The following CPNE4 variants were observed in gnomAD, a reference collection of about 807,000 sequenced individuals.
CPNE4 encodes the protein copine-4.
In CPNE4, 25 loss-of-function variants were observed where a neutral mutation model predicts 67.9. The observed-to-expected ratio is 0.37, with a 90% CI of 0.27 to 0.51. CPNE4 has a LOEUF of 0.51. Among genes scored for constraint, CPNE4 ranks in the 20% least tolerant of loss-of-function variants. The probability of loss-of-function intolerance (pLI) is 0.93; values close to 1 mark genes in which losing one functional copy is unlikely to be tolerated. For synonymous variants in CPNE4, 242 were observed against 244.9 expected, an observed-to-expected ratio of 0.99 and a Z score of 0.11; for missense variants, 464 against 690.8, an observed-to-expected ratio of 0.67 and a Z score of 3.68.
intron 7 of CPNE4, among the ~76,000 whole-genome samples, chr3:131,667,022 T>C (rs2080280357): frequency 6.6e-6 from 1 of 152,212 alleles, no homozygotes; most frequent in African/African-American, 2.4e-5. Context: ...GTTTTATTAA[T>C]GGAAAGATTT....
At chr3:131,809,891 T>A (rs754147822) in intron 2 of CPNE4, among the ~76,000 whole-genome samples, 1 of 151,780 alleles carries the variant, frequency 6.6e-6, no homozygotes, top group Non-Finnish European at 1.5e-5. Flanking sequence ...ATCCTTGCAA[T>A]AGACAAAAAT....
intron 6 of CPNE4, among the ~76,000 whole-genome samples, chr3:131,674,982 T>G (rs932343523): frequency 1.3e-5 from 2 of 152,112 alleles, no homozygotes; most frequent in African/African-American, 4.8e-5. Context: ...TGTTTTCATA[T>G]ATTCCATAGG....
chr3:131,890,159 A>G (rs2088051061), intron 2 of CPNE4, among the ~76,000 whole-genome samples: 1 of 152,154 alleles, frequency 6.6e-6, no homozygotes, highest in Admixed American at 6.5e-5. Context: ...AATCTATGAT[A>G]TGTGATAAAA....
intron 1 of CPNE4, among the ~76,000 whole-genome samples, chr3:131,960,777 C>T (rs796954655): frequency 6.6e-6 from 1 of 152,086 alleles, no homozygotes; most frequent in Admixed American, 6.5e-5. Flanking sequence ...TCCCACTTAC[C>T]CTGACCAATG....
chr3:132,016,773 A>G (rs1321285566), intron 1 of CPNE4, among the ~76,000 whole-genome samples: 1 of 152,116 alleles, frequency 6.6e-6, no homozygotes, highest in East Asian at 1.9e-4. Flanking sequence ...CGTTCTCAGG[A>G]CTCAAAAGGC....
intron 9 of CPNE4, among the ~76,000 whole-genome samples, chr3:131,580,098 C>T (rs1378515942): frequency 6.6e-6 from 1 of 152,166 alleles, no homozygotes; most frequent in Non-Finnish European, 1.5e-5. Flanking sequence ...CCCCAACTTT[C>T]AGCAATTACC....
chr3:131,890,930 T>C (rs1263543722), intron 2 of CPNE4, among the ~76,000 whole-genome samples: 1 of 152,098 alleles, frequency 6.6e-6, no homozygotes, highest in Non-Finnish European at 1.5e-5. Flanking sequence ...GAATGATGGA[T>C]ACCCAGGGAT....
At chr3:131,993,280 G>T (rs1421802640) in intron 1 of CPNE4, among the ~76,000 whole-genome samples, 1 of 134,936 alleles carries the variant, frequency 7.4e-6, no homozygotes, top group Non-Finnish European at 1.7e-5. Context: ...GCTATGTGAA[G>T]TTAAGTAGAT....
At chr3:131,583,119 G>A (rs1937951015) in intron 8 of CPNE4, among the ~76,000 whole-genome samples, 1 of 152,008 alleles carries the variant, frequency 6.6e-6, no homozygotes, top group Admixed American at 6.6e-5. Flanking sequence ...GGAATTCTTG[G>A]GTGAAAGAAA....
chr3:131,563,860 T>G (rs531316249), intron 11 of CPNE4, among the ~76,000 whole-genome samples: 1 of 152,200 alleles, frequency 6.6e-6, no homozygotes, highest in African/African-American at 2.4e-5. Context: ...TATACACAAA[T>G]CATCTGGGGA....
intron 2 of CPNE4, among the ~76,000 whole-genome samples, chr3:131,774,488 C>A (rs1238319389): frequency 1.3e-5 from 2 of 152,040 alleles, no homozygotes; most frequent in Non-Finnish European, 2.9e-5. Flanking sequence ...ATGAAAGAAC[C>A]TGGGTTCACA....
At chr3:131,783,796 A>G (rs931713105) in intron 2 of CPNE4, among the ~76,000 whole-genome samples, 2 of 152,050 alleles carry the variant, frequency 1.3e-5, no homozygotes, top group African/African-American at 4.8e-5. Flanking sequence ...AAGCTAATGT[A>G]ATTCAGCAAG....
intron 1 of CPNE4, among the ~76,000 whole-genome samples, chr3:131,962,736 A>G (rs1454922372): frequency 6.6e-6 from 1 of 151,954 alleles, no homozygotes; most frequent in Admixed American, 6.6e-5. Flanking sequence ...AAACAGTTAA[A>G]AAAAAAATCC....
At chr3:131,813,319 T>C (rs1418158437) in intron 2 of CPNE4, among the ~76,000 whole-genome samples, 1 of 151,066 alleles carries the variant, frequency 6.6e-6, no homozygotes, top group Non-Finnish European at 1.5e-5. Context: ...AAGAGGGAAA[T>C]GAGAGTAGTT....
chr3:131,648,742 A>G (rs1390779250), intron 7 of CPNE4, among the ~76,000 whole-genome samples: 1 of 152,228 alleles, frequency 6.6e-6, no homozygotes. Context: ...AGATTTGTAG[A>G]ATGAATGAGT....
chr3:131,831,441 C>T (rs556574727), intron 2 of CPNE4, among the ~76,000 whole-genome samples: 65 of 152,068 alleles, frequency 4.3e-4, no homozygotes, highest in Non-Finnish European at 8.1e-4. Flanking sequence ...TGTATTACTA[C>T]TACTGATGGA....
intron 2 of CPNE4, among the ~76,000 whole-genome samples, chr3:131,842,680 C>T (rs1045533309): frequency 1.3e-5 from 2 of 149,068 alleles, no homozygotes; most frequent in Non-Finnish European, 3.0e-5. Context: ...CTAAGTTTTC[C>T]ATCACCACCA....
intron 2 of CPNE4, among the ~76,000 whole-genome samples, chr3:131,852,524 T>C (rs577948801): frequency 1.2e-4 from 19 of 152,090 alleles, no homozygotes; most frequent in African/African-American, 4.3e-4. Context: ...CTGAGTGTCA[T>C]AAAGCACATC....
intron 1 of CPNE4, among the ~76,000 whole-genome samples, chr3:131,955,583 T>C (rs572820172): frequency 4.4e-4 from 67 of 151,926 alleles, no homozygotes; most frequent in African/African-American, 1.4e-3. Context: ...AGTTGCCAAA[T>C]GTATAGAAGC....
Sources: gnomAD v4.1 joint callset for allele counts (sites outside exome capture counted in the v4.1 genomes callset) on GRCh38, gnomAD v4.1.1 for gene constraint, MANE v1.5 for transcripts, NCBI Gene and HGNC (gene_info 2026-07-23, HGNC 2026-07-21) for gene names.